LRFN5: variants seen among roughly 807,000 people sequenced by gnomAD.
LRFN5 encodes leucine-rich repeat and fibronectin type-III domain-containing protein 5.
LRFN5 carries 24 observed loss-of-function variants against 45.6 expected under a neutral mutation model. That is an observed-to-expected ratio of 0.53 (90% CI 0.38 to 0.74). LRFN5 has a LOEUF of 0.74. Ranked by LOEUF, LRFN5 falls within the 30% of genes least tolerant of loss-of-function variation. LRFN5 has a pLI of 0.00. For synonymous variants in LRFN5, 340 were observed against 313.8 expected (o/e 1.08, Z -0.88); for missense variants, 776 against 861.5 (o/e 0.90, Z 1.24).
At chr14:41,826,611 G>C (rs928901505) in intron 2 of LRFN5, among the ~76,000 whole-genome samples, 1 of 152,046 alleles carries the variant, frequency 6.6e-6, no homozygotes, top group African/African-American at 2.4e-5. Flanking sequence ...TTTCGATGTT[G>C]AATATATATG....
intron 1 of LRFN5, among the ~76,000 whole-genome samples, chr14:41,705,916 T>C (rs1883045408): frequency 6.6e-6 from 1 of 152,180 alleles, no homozygotes; most frequent in Non-Finnish European, 1.5e-5. Flanking sequence ...GTATACACAT[T>C]AATCATTTAA....
At chr14:41,768,144 T>A (rs2138884966) in intron 2 of LRFN5, among the ~76,000 whole-genome samples, 1 of 152,272 alleles carries the variant, frequency 6.6e-6, no homozygotes, top group Non-Finnish European at 1.5e-5. Context: ...TGCGACATAT[T>A]ACATGTCAAT....
intron 2 of LRFN5, among the ~76,000 whole-genome samples, chr14:41,810,143 T>A (rs968279004): frequency 1.3e-5 from 2 of 152,194 alleles, no homozygotes; most frequent in African/African-American, 4.8e-5. Context: ...TGTAGACCAA[T>A]ACACAGATTA....
rs76760927 is a variant in LRFN5 at position 41,801,263 on chromosome 14, G to T, written c.-21+34234G>T. Among the ~76,000 whole-genome samples the T allele has an allele frequency of 9.2e-5, 14 of 152,124 alleles. No homozygotes were observed. The East Asian group carries it at 2.7e-3, about 29-fold the overall frequency. On this transcript the variant is annotated intron_variant, in intron 2 of 5. Coordinates refer to ENST00000298119, the MANE Select transcript of LRFN5 (RefSeq NM_152447.5). ...GAACAACAATCCTCCCTTAAAAACTGTTATGAGGATTAAGTATATGTATGT... is the reference window on the plus strand; with the variant it reads ...GAACAACAATCCTCCCTTAAAAACTTTTATGAGGATTAAGTATATGTATGT...
At chr14:41,739,483 A>C (rs2138816047) in intron 1 of LRFN5, among the ~76,000 whole-genome samples, 1 of 149,390 alleles carries the variant, frequency 6.7e-6, no homozygotes, top group Admixed American at 6.8e-5. Flanking sequence ...CATAGGACAA[A>C]GGATAAATTA....
intron 1 of LRFN5, among the ~76,000 whole-genome samples, chr14:41,756,576 C>T (rs541017694): frequency 5.9e-5 from 9 of 152,250 alleles, no homozygotes; most frequent in South Asian, 4.1e-4. Context: ...GCATTGGTCC[C>T]GTAGTTCTCG....
chr14:41,674,858 C>G (rs979133519), intron 1 of LRFN5, among the ~76,000 whole-genome samples: 2 of 150,944 alleles, frequency 1.3e-5, no homozygotes, highest in South Asian at 4.2e-4. Context: ...GGGCGGTTGC[C>G]GGGCGGAGGG....
At chr14:41,794,473 C>T (rs1887047976) in intron 2 of LRFN5, among the ~76,000 whole-genome samples, 1 of 151,856 alleles carries the variant, frequency 6.6e-6, no homozygotes, top group South Asian at 2.1e-4. Flanking sequence ...GCATGTTTTA[C>T]TAGTTTTATC....
intron 2 of LRFN5, among the ~76,000 whole-genome samples, chr14:41,782,711 G>C (rs956398568): frequency 3.9e-5 from 6 of 152,096 alleles, no homozygotes; most frequent in African/African-American, 1.4e-4. Flanking sequence ...TCTAGTTGAA[G>C]GTGCCAGAGG....
intron 2 of LRFN5, among the ~76,000 whole-genome samples, chr14:41,775,196 T>G (rs916519089): frequency 6.7e-6 from 1 of 149,174 alleles, no homozygotes; most frequent in Non-Finnish European, 1.5e-5. Context: ...GTTCACGCCA[T>G]TCTCCTGCCT....
intron 1 of LRFN5, among the ~76,000 whole-genome samples, chr14:41,715,124 A>G (rs1417190038): frequency 1.3e-5 from 2 of 152,346 alleles, no homozygotes; most frequent in East Asian, 1.9e-4. Flanking sequence ...ATTAAGGTAT[A>G]TGAACATAGA....
chr14:41,892,601 T>C, intron 4 of LRFN5: 8 of 982,034 alleles, frequency 8.1e-6, no homozygotes, highest in Non-Finnish European at 9.7e-6. Context: ...TTTAGGGAAA[T>C]GTTGTAGAGA....
chr14:41,609,747 G>T (rs566690702), intron 1 of LRFN5, among the ~76,000 whole-genome samples: 1 of 152,322 alleles, frequency 6.6e-6, no homozygotes, highest in South Asian at 2.1e-4. Flanking sequence ...TTCAGCGGAG[G>T]ATTTGGCCCA....
intron 2 of LRFN5, among the ~76,000 whole-genome samples, chr14:41,780,814 C>G (rs567972728): frequency 6.6e-6 from 1 of 151,756 alleles, no homozygotes; most frequent in East Asian, 1.9e-4. Context: ...ACCTTCTCTC[C>G]TTATGTATTA....
intron 1 of LRFN5, chr14:41,700,195 A>T (rs989751964): frequency 6.6e-6 from 1 of 152,080 alleles, no homozygotes; most frequent in Admixed American, 6.6e-5. Flanking sequence ...AGCACAGAAC[A>T]TAATTATGGA....
intron 2 of LRFN5, among the ~76,000 whole-genome samples, chr14:41,793,540 C>G (rs1172716456): frequency 6.6e-6 from 1 of 151,796 alleles, no homozygotes; most frequent in Non-Finnish European, 1.5e-5. Context: ...TTCAAGAGAC[C>G]CATAAGACCA....
In LRFN5 at chr14:41,844,588, C is replaced by G. The variant is rs531708770; in HGVS notation, c.-20-42018C>G. ...AGTTATATAAATATCACATCTTTTACCACTTTACACTGACACTGATTTCTA... is the reference window on the plus strand; with the variant it reads ...AGTTATATAAATATCACATCTTTTAGCACTTTACACTGACACTGATTTCTA... On this transcript the variant is annotated intron_variant, in intron 2 of 5. Coordinates refer to ENST00000298119, the MANE Select transcript of LRFN5 (RefSeq NM_152447.5). 2.0e-5 allele frequency among the ~76,000 whole-genome samples: 3 copies of G among 152,226 alleles called. No homozygotes were observed. The South Asian group carries it at 6.2e-4, about 32-fold the overall frequency.
At chr14:41,729,713 A>C (rs191761619) in intron 1 of LRFN5, among the ~76,000 whole-genome samples, 1 of 152,194 alleles carries the variant, frequency 6.6e-6, no homozygotes, top group Admixed American at 6.6e-5. Context: ...AGTTCTATGG[A>C]AGGCATGATT....
chr14:41,771,075 G>C (rs1886068792), intron 2 of LRFN5, among the ~76,000 whole-genome samples: 1 of 151,744 alleles, frequency 6.6e-6, no homozygotes, highest in Non-Finnish European at 1.5e-5. Context: ...GCTGTACTTG[G>C]GCCCCTTTGA....
Sources: allele counts gnomAD v4.1 joint callset (sites outside exome capture counted in the v4.1 genomes callset), GRCh38; gene constraint gnomAD v4.1.1; transcripts MANE v1.5; gene names NCBI Gene and HGNC (gene_info 2026-07-23, HGNC 2026-07-21).